LYAR: variants seen among roughly 807,000 people sequenced by gnomAD.
LYAR encodes cell growth-regulating nucleolar protein.
Under a neutral mutation model 45.2 loss-of-function variants are expected in LYAR, and 37 were observed. The observed-to-expected ratio is 0.82, with a 90% confidence interval of 0.63 to 1.08. The LOEUF (loss-of-function observed/expected upper bound fraction) is 1.08, where lower values mean the gene tolerates loss of function less well. Ranked by LOEUF, LYAR falls within the 50% of genes least tolerant of loss-of-function variation. LYAR has a pLI of 0.00. For missense variants in LYAR, 493 were observed against 451.0 expected, an observed-to-expected ratio of 1.09 and a Z score of -0.84; for synonymous variants, 176 against 155.1, an observed-to-expected ratio of 1.14 and a Z score of -1.00.
chr4:4,280,599 G>A (rs1459190467), intron 4 of LYAR, among the ~76,000 whole-genome samples: 1 of 152,152 alleles, frequency 6.6e-6, no homozygotes, highest in Non-Finnish European at 1.5e-5. Context: ...TGTGACAGCA[G>A]CAGAGACGGA....
chr4:4,274,319 G>A, intron 7 of LYAR, 48 bp downstream of exon 7: 1 of 1,570,126 alleles, frequency 6.4e-7, no homozygotes, highest in South Asian at 1.2e-5. Context: ...CAAATTCACA[G>A]CTTTCCCGGT....
chr4:4,289,270 C>T (rs1719756669), intron 1 of LYAR, among the ~76,000 whole-genome samples: 1 of 152,196 alleles, frequency 6.6e-6, no homozygotes, highest in Non-Finnish European at 1.5e-5. Context: ...GCATCACCAG[C>T]ACTGTTTTAA....
chr4:4,269,119 G>GT (rs1446974650), intron 8 of LYAR, among the ~76,000 whole-genome samples: 1 of 152,174 alleles, frequency 6.6e-6, no homozygotes, highest in East Asian at 1.9e-4. Flanking sequence ...GGCAAGAAAT[G>GT]TAAGAAGACT....
intron 3 of LYAR, among the ~76,000 whole-genome samples, chr4:4,282,263 A>G (rs1292273449): frequency 2.0e-5 from 3 of 152,198 alleles, no homozygotes; most frequent in Non-Finnish European, 4.4e-5. Flanking sequence ...TGTCTAATAG[A>G]CAGTCAATAA....
intron 4 of LYAR, among the ~76,000 whole-genome samples, chr4:4,280,573 A>G (rs951557831): frequency 3.3e-5 from 5 of 152,244 alleles, no homozygotes; most frequent in African/African-American, 1.2e-4. Context: ...CCCCTGCTTC[A>G]GAGGATTTCA....
chr4:4,269,506 C>G (rs1718852077), intron 8 of LYAR, among the ~76,000 whole-genome samples: 1 of 152,148 alleles, frequency 6.6e-6, no homozygotes, highest in African/African-American at 2.4e-5. Context: ...ACAGGCCGGT[C>G]ATGAGGCTGC....
At chr4:4,270,598 T>C (rs984347300) in intron 8 of LYAR, among the ~76,000 whole-genome samples, 5 of 91,868 alleles carry the variant, frequency 5.4e-5, no homozygotes, top group African/African-American at 2.1e-4. Context: ...AATTAGAAAA[T>C]AGGGGAAAAA....
At chr4:4,270,062 A>G (rs971951876) in intron 8 of LYAR, among the ~76,000 whole-genome samples, 1 of 152,026 alleles carries the variant, frequency 6.6e-6, no homozygotes, top group Admixed American at 6.6e-5. Context: ...ACAAAATTTT[A>G]AAACTTCGCT....
chr4:4,285,615 G>A (rs1033341898), intron 2 of LYAR, among the ~76,000 whole-genome samples: 1 of 152,302 alleles, frequency 6.6e-6, no homozygotes. Context: ...GAAAGCAGCC[G>A]TGATATGCCA....
intron 1 of LYAR, 49 bp from the exon 2 acceptor site, chr4:4,286,621 T>TAAGC (rs1719623076): frequency 6.7e-6 from 1 of 150,218 alleles, no homozygotes; most frequent in Non-Finnish European, 1.5e-5. Flanking sequence ...CAAGACTAGA[T>TAAGC]AAGCATGAAG....
intron 2 of LYAR, among the ~76,000 whole-genome samples, chr4:4,285,990 G>T (rs112284368): frequency 4.6e-5 from 7 of 152,320 alleles, no homozygotes; most frequent in African/African-American, 1.4e-4. Flanking sequence ...AATTCAGAAG[G>T]TGATTAGAAT....
chr4:4,270,717 C>T (rs901587565), intron 8 of LYAR, among the ~76,000 whole-genome samples: 1 of 152,132 alleles, frequency 6.6e-6, no homozygotes, highest in Non-Finnish European at 1.5e-5. Flanking sequence ...CAAATTCAAA[C>T]CACAATGAGC....
intron 7 of LYAR, 97 bp downstream of exon 7, chr4:4,274,270 A>G (rs897410550): frequency 1.6e-4 from 213 of 1,328,454 alleles, no homozygotes; most frequent in Middle Eastern, 3.8e-4. Flanking sequence ...CCACACACAC[A>G]CGCACACAAA....
At chr4:4,285,388 C>T (rs1263867592) in intron 2 of LYAR, among the ~76,000 whole-genome samples, 3 of 152,148 alleles carry the variant, frequency 2.0e-5, no homozygotes, top group Non-Finnish European at 2.9e-5. Context: ...ACGTTTCCCA[C>T]AACCCAGCTC....
At chr4:4,276,226 G>A (rs1229189230) in intron 6 of LYAR, among the ~76,000 whole-genome samples, 5 of 152,180 alleles carry the variant, frequency 3.3e-5, no homozygotes, top group Non-Finnish European at 5.9e-5. Flanking sequence ...GCAGGCGGGG[G>A]TTCAAATTCC....
chr4:4,274,471 C>A lies in LYAR; in HGVS notation c.728G>T (p.Gly243Val), dbSNP rs41264703. The A allele has an allele frequency of 9.3e-6, 15 of 1,614,028 alleles. No homozygotes were observed. In the African/African-American group the frequency reaches 2.0e-4, roughly 22 times the overall value. ...AGGEEVPEANGSAGKRSKKKK... is the reference protein window; with the variant it reads ...AGGEEVPEANVSAGKRSKKKK... The stretch of plus-strand genomic sequence containing the variant: ...CTTCTTGCTCCTCTTCCCTGCAGAG[C>A]CATTGGCCTCAGGGACTTCCTCCCC... Residue 243 changes from glycine to valine, a missense_variant, in exon 7 of 10, where the codon GGC (glycine) becomes GTC (valine). By Grantham distance (109) the Gly-to-Val change is moderately radical. Transcript: ENST00000343470.
chr4:4,275,282 C>T (rs760863495), intron 6 of LYAR, among the ~76,000 whole-genome samples: 4 of 152,136 alleles, frequency 2.6e-5, no homozygotes, highest in Middle Eastern at 3.2e-3. Context: ...AGGAAAGATC[C>T]GTCATGTGCT....
chr4:4,271,584 C>T (rs1178091412), intron 8 of LYAR, among the ~76,000 whole-genome samples: 1 of 152,170 alleles, frequency 6.6e-6, no homozygotes, highest in African/African-American at 2.4e-5. Context: ...TTCTGAGGAA[C>T]CTCCAAGCGG....
At chr4:4,279,562 A>G in intron 5 of LYAR, 32 bp from the exon 6 acceptor site, 1 of 1,573,474 alleles carries the variant, frequency 6.4e-7, no homozygotes, top group East Asian at 2.2e-5. Context: ...AGAACTATTG[A>G]TCCCACTTGG....
Sources: allele counts gnomAD v4.1 joint callset (sites outside exome capture counted in the v4.1 genomes callset), GRCh38; gene constraint gnomAD v4.1.1; transcripts MANE v1.5; gene names NCBI Gene and HGNC (gene_info 2026-07-23, HGNC 2026-07-21).